The following RANBP2 variants were observed in gnomAD, a reference collection of about 807,000 sequenced individuals.
RANBP2 encodes the protein E3 SUMO-protein ligase RanBP2.
RANBP2 carries 57 observed loss-of-function variants against 303.6 expected under a neutral mutation model. The ratio of observed to expected loss-of-function variants is 0.19; its 90% CI spans 0.15 to 0.23. RANBP2 has a LOEUF of 0.23. RANBP2 is among the 10% of genes least tolerant of loss of function. RANBP2 has a pLI of 1.00. For missense variants in RANBP2, 3,138 were observed against 3,780.8 expected, an observed-to-expected ratio of 0.83 and a Z score of 4.46; for synonymous variants, 1,167 against 1,301.5, an observed-to-expected ratio of 0.90 and a Z score of 2.23.
chr2:108,774,909 C>T (rs1454489899), intron 23 of RANBP2, among the ~76,000 whole-genome samples: 3 of 152,066 alleles, frequency 2.0e-5, no homozygotes, highest in African/African-American at 7.2e-5. Context: ...TAAGGCTGGT[C>T]TTGAACTCCT....
chr2:109,214,644 C>G, the RANBP2 span, among the ~76,000 whole-genome samples: 1 of 152,132 alleles, frequency 6.6e-6, no homozygotes, highest in East Asian at 1.9e-4. Flanking sequence ...AAGAACGTCT[C>G]TGCCTGACAC....
the RANBP2 span, among the ~76,000 whole-genome samples, chr2:109,315,882 C>A: frequency 6.6e-6 from 1 of 152,188 alleles, no homozygotes; most frequent in Admixed American, 6.5e-5. Context: ...GCCACCAGTT[C>A]CCAGAACGTC....
intron 23 of RANBP2, among the ~76,000 whole-genome samples, 193 bp from the exon 24 acceptor site, chr2:108,775,539 G>T (rs529443910): frequency 6.6e-6 from 1 of 152,104 alleles, no homozygotes. Flanking sequence ...ACCTTTCTAA[G>T]GCTTCTTAGA....
rs1231560682 is a variant in RANBP2 at position 108,784,145 on chromosome 2, A to C, written c.*244A>C. 1 of 458,250 alleles carries C rather than the reference A, an allele frequency of 2.2e-6. No individual in the cohort carries two copies. The highest frequency in any genetic ancestry group is 3.9e-6 in the Non-Finnish European group (1 of 254,608). 28.4% of individuals were successfully genotyped at this position (458,250 alleles called of 1,614,324 possible). On this transcript the variant is annotated 3_prime_UTR_variant, in exon 29 of 29. Coordinates refer to ENST00000283195, the MANE Select transcript of RANBP2 (RefSeq NM_006267.5). ...GTGTTTATGTACTCCTGACGTATTA[A>C]AATGGAATAATACTAATCTTGTTAA...
chr2:109,474,022 G>A, the RANBP2 span, among the ~76,000 whole-genome samples: 2 of 152,152 alleles, frequency 1.3e-5, no homozygotes, highest in African/African-American at 4.8e-5. Flanking sequence ...CTTTGATGCT[G>A]GAGACTTTCT....
chr2:108,982,311 G>A, the RANBP2 span, among the ~76,000 whole-genome samples: 1 of 152,254 alleles, frequency 6.6e-6, no homozygotes, highest in Non-Finnish European at 1.5e-5. Context: ...TGAACCCAGG[G>A]AGGTGGGTGG....
chr2:109,517,589 C>T, the RANBP2 span, among the ~76,000 whole-genome samples: 2 of 152,232 alleles, frequency 1.3e-5, no homozygotes, highest in Non-Finnish European at 1.5e-5. Context: ...CCAGGCCCTC[C>T]TCTCATGGCC....
chr2:108,788,795 AGATATTTTGTGATATATTGTT>A, downstream of RANBP2: 2 of 1,606,880 alleles, frequency 1.2e-6, no homozygotes, highest in Non-Finnish European at 1.7e-6. Context: ...GGCCAGTGCC[AGATATTTTGTGATATATTGTT>A]GTGGTAATCT....
chr2:109,578,202 T>C, the RANBP2 span, among the ~76,000 whole-genome samples: 4 of 152,252 alleles, frequency 2.6e-5, no homozygotes, highest in East Asian at 7.7e-4. Flanking sequence ...GGTAATTACA[T>C]TAATTTTGAA....
At chr2:109,404,390 G>T in the RANBP2 span, among the ~76,000 whole-genome samples, 1 of 152,200 alleles carries the variant, frequency 6.6e-6, no homozygotes, top group African/African-American at 2.4e-5. Flanking sequence ...ACAGGCCAGC[G>T]CCTGGCCTCT....
chr2:109,225,281 C>T, the RANBP2 span, among the ~76,000 whole-genome samples: 3 of 152,174 alleles, frequency 2.0e-5, no homozygotes, highest in East Asian at 1.9e-4. Flanking sequence ...ACTGGGGATC[C>T]GGCTGAATAG....
the RANBP2 span, among the ~76,000 whole-genome samples, chr2:109,389,300 C>CA: frequency 6.6e-6 from 1 of 152,214 alleles, no homozygotes; most frequent in Admixed American, 6.5e-5. Flanking sequence ...CCTGTGCAAA[C>CA]AGGAGGAAGA....
chr2:109,212,415 A>G, the RANBP2 span, among the ~76,000 whole-genome samples: 7 of 152,270 alleles, frequency 4.6e-5, no homozygotes, highest in South Asian at 2.1e-4. Context: ...TATTTCATTT[A>G]GAATCCTGAC....
rs748573042 is a variant in RANBP2 at position 108,768,186 on chromosome 2, T to C, written c.7647T>C (p.Phe2549=). 6.2e-7 allele frequency: 1 copy of C among 1,612,038 alleles called. No individual in the cohort carries two copies. The highest frequency in any genetic ancestry group is 1.1e-5 in the South Asian group (1 of 90,992). ...CTGGGTCTTTGTTTGGATTTAGTTT[T>C]AATGCACCTTTGAAAAGTAACAATA... ...SATGSLFGFS[F]NAPLKSNNSE... The change falls in exon 20 of 29, where the codon TTT becomes TTC. Residue 2549 remains phenylalanine, a synonymous_variant. Transcript: ENST00000283195.
chr2:109,073,264 C>A, the RANBP2 span, among the ~76,000 whole-genome samples: 1 of 151,976 alleles, frequency 6.6e-6, no homozygotes, highest in African/African-American at 2.4e-5. Context: ...AATAAAAGAA[C>A]AGAAAAATTT....
the RANBP2 span, among the ~76,000 whole-genome samples, chr2:109,103,128 C>CAGCTGTCT: frequency 6.6e-6 from 1 of 152,206 alleles, no homozygotes. Flanking sequence ...CCCTGGCTGA[C>CAGCTGTCT]GAGTCCCCTG....
At chr2:109,616,090 C>G in the RANBP2 span, 7 of 1,483,804 alleles carry the variant, frequency 4.7e-6, no homozygotes, top group Non-Finnish European at 6.3e-6. Flanking sequence ...TTAGAAAATG[C>G]AAAGGTTTAT....
chr2:109,074,132 C>T, the RANBP2 span, among the ~76,000 whole-genome samples: 2 of 150,688 alleles, frequency 1.3e-5, no homozygotes, highest in African/African-American at 2.4e-5. Context: ...TTAGGAAGGC[C>T]GAGACGAGCA....
chr2:109,284,279 C>CTGTATTAGT, the RANBP2 span, among the ~76,000 whole-genome samples: 21 of 152,224 alleles, frequency 1.4e-4, no homozygotes, highest in Admixed American at 1.0e-3. Context: ...AGCATCTTCA[C>CTGTATTAGT]TGTATTAGTA....
Sources: allele counts gnomAD v4.1 joint callset (sites outside exome capture counted in the v4.1 genomes callset), GRCh38; gene constraint gnomAD v4.1.1; transcripts MANE v1.5; gene names NCBI Gene and HGNC (gene_info 2026-07-23, HGNC 2026-07-21).